SDK1: variants seen among roughly 807,000 people sequenced by gnomAD.
SDK1 encodes the protein protein sidekick-1.
Under a neutral mutation model 245.5 loss-of-function variants are expected in SDK1, and 157 were observed. That is an observed-to-expected ratio of 0.64 (90% CI 0.56 to 0.73). SDK1 has a LOEUF of 0.73. Among genes scored for constraint, SDK1 ranks in the 30% least tolerant of loss-of-function variants. The probability of loss-of-function intolerance (pLI) is 0.00; values close to 1 mark genes in which losing one functional copy is unlikely to be tolerated. For synonymous variants in SDK1, 1,647 were observed against 1,278.5 expected, an observed-to-expected ratio of 1.29 and a Z score of -6.15; for missense variants, 3,583 against 3,002.3, an observed-to-expected ratio of 1.19 and a Z score of -4.52.
intron 19 of SDK1, among the ~76,000 whole-genome samples, chr7:4,064,470 G>T (rs192542233): frequency 5.9e-5 from 9 of 152,258 alleles, no homozygotes; most frequent in Non-Finnish European, 8.8e-5. Context: ...TGTTGGTGAT[G>T]ATGTAAATTA....
chr7:3,642,090 T>C lies in SDK1; in HGVS notation c.698T>C (p.Ile233Thr), dbSNP rs765455036. ...VTWFREGHKI[I>T]PSNRIAITLE... ...TGGTTTAGAGAAGGGCACAAGATTATTCCAAGCAACAGAATGTAAGTTGCT... is the reference window on the plus strand; with the variant it reads ...TGGTTTAGAGAAGGGCACAAGATTACTCCAAGCAACAGAATGTAAGTTGCT... Residue 233 changes from isoleucine to threonine, a missense_variant, in exon 4 of 45, where the codon ATT becomes ACT. By Grantham distance (89) the Ile-to-Thr change is moderately conservative. Transcript: ENST00000404826. 8.1e-6 allele frequency: 13 copies of C among 1,614,088 alleles called. No individual in the cohort carries two copies. In the South Asian group the frequency reaches 1.4e-4, roughly 18 times the overall value.
At chr7:3,529,197 T>A (rs936956220) in intron 1 of SDK1, among the ~76,000 whole-genome samples, 1 of 152,006 alleles carries the variant, frequency 6.6e-6, no homozygotes, top group Admixed American at 6.5e-5. Flanking sequence ...TATATATAGG[T>A]GATAATATAG....
At chr7:4,143,955 G>A (rs585701) in intron 28 of SDK1, among the ~76,000 whole-genome samples, 26,507 of 152,150 alleles carry the variant, frequency 0.17, 2,472 homozygotes, top group South Asian at 0.24. Flanking sequence ...CTGTGGTCAC[G>A]CTCTCCTCAC....
rs571801677 is a variant in SDK1, at chr7:3,835,127, C to G, written c.847+13544C>G. Among the ~76,000 whole-genome samples, 9 of 152,270 alleles carry G rather than the reference C, an allele frequency of 5.9e-5. No individual in the cohort carries two copies. The South Asian group carries it at 1.7e-3, about 28-fold the overall frequency. On this transcript the variant is annotated intron_variant, in intron 5 of 44. Transcript: ENST00000404826. ...GTTATCTCTAGGCCTGAATAGCAGC[C>G]TGGGCATTCAATCTTTGGTAAGTAT...
At chr7:3,428,211 T>C (rs1779730618) in intron 1 of SDK1, among the ~76,000 whole-genome samples, 1 of 152,216 alleles carries the variant, frequency 6.6e-6, no homozygotes, top group Non-Finnish European at 1.5e-5. Context: ...AGATCTGTTA[T>C]TTACTCAGTG....
At chr7:4,191,411 C>T (rs979565290) in intron 35 of SDK1, among the ~76,000 whole-genome samples, 5 of 152,244 alleles carry the variant, frequency 3.3e-5, no homozygotes, top group East Asian at 3.9e-4. Context: ...TGTGGAGCAT[C>T]GCGCGGTGCC....
At chr7:3,766,830 C>T (rs1434188158) in intron 4 of SDK1, among the ~76,000 whole-genome samples, 1 of 152,108 alleles carries the variant, frequency 6.6e-6, no homozygotes, top group Non-Finnish European at 1.5e-5. Flanking sequence ...GATGTGGATA[C>T]TTTGGAATTA....
At chr7:3,906,267 T>C (rs1001430277) in intron 5 of SDK1, among the ~76,000 whole-genome samples, 6 of 152,252 alleles carry the variant, frequency 3.9e-5, no homozygotes, top group Non-Finnish European at 7.3e-5. Context: ...TTAATTATTT[T>C]ATGTTTAATC....
Position 3,974,887 on chromosome 7 carries a change from C to G in SDK1, c.1994+342C>G, listed in dbSNP as rs554843387. The stretch of plus-strand genomic sequence containing the variant: ...AGCAAGTTCATTTTTCCACATAATA[C>G]CCTTGAGAGCCTCCAGTCCATGAGA... On this transcript the variant is annotated intron_variant, in intron 13 of 44. Transcript: ENST00000404826. 61 of 191,594 alleles carry G rather than the reference C, an allele frequency of 3.2e-4. No homozygotes were observed. In the Middle Eastern group the frequency reaches 8.8e-3, roughly 28 times the overall value. 11.9% of individuals were successfully genotyped at this position (191,594 alleles called of 1,614,324 possible).
At chr7:4,209,107 C>T (rs144228861) in intron 37 of SDK1, among the ~76,000 whole-genome samples, 3 of 152,228 alleles carry the variant, frequency 2.0e-5, no homozygotes, top group Non-Finnish European at 4.4e-5. Context: ...ATCAAACTCT[C>T]ATGTGCTGAC....
intron 4 of SDK1, among the ~76,000 whole-genome samples, chr7:3,651,663 G>T (rs1583272662): frequency 1.3e-5 from 2 of 152,272 alleles, no homozygotes; most frequent in East Asian, 3.9e-4. Context: ...ACTCTTCACA[G>T]TCCAGAAGCA....
intron 20 of SDK1, among the ~76,000 whole-genome samples, chr7:4,073,917 T>C (rs1780440472): frequency 6.6e-6 from 1 of 152,160 alleles, no homozygotes; most frequent in Admixed American, 6.5e-5. Context: ...ATTTATCCCC[T>C]AGTGCTCAGG....
At chr7:3,935,002 A>G (rs114444792) in intron 5 of SDK1, among the ~76,000 whole-genome samples, 155 of 151,738 alleles carry the variant, frequency 1.0e-3, no homozygotes, top group African/African-American at 3.6e-3. Flanking sequence ...TTATGCATCA[A>G]CTCCCCTCTT....
chr7:3,308,262 G>C (rs1429678299), intron 1 of SDK1, among the ~76,000 whole-genome samples: 1 of 152,102 alleles, frequency 6.6e-6, no homozygotes, highest in Non-Finnish European at 1.5e-5. Flanking sequence ...TTAATGCAGT[G>C]AGAAACTTAA....
At chr7:3,946,771 G>A (rs1427878476) in intron 5 of SDK1, among the ~76,000 whole-genome samples, 2 of 152,192 alleles carry the variant, frequency 1.3e-5, no homozygotes, top group Non-Finnish European at 2.9e-5. Context: ...GCGGAGGAGA[G>A]TCTCAGAGTG....
At chr7:4,154,219 T>A (rs1226370903) in intron 30 of SDK1, among the ~76,000 whole-genome samples, 1 of 152,176 alleles carries the variant, frequency 6.6e-6, no homozygotes, top group African/African-American at 2.4e-5. Flanking sequence ...AGGTCAAGTT[T>A]GTGTATGTGA....
At position 3,563,920 on chromosome 7, in the gene SDK1, G is replaced by C. The variant is rs537846939; in HGVS notation, c.299-55160G>C. ...GTCCCTAACTCCCAAAAAACCGCTT[G>C]TGGTTACAAATTAAATAACATATTT... On this transcript the variant is annotated intron_variant, in intron 1 of 44. Coordinates refer to ENST00000404826, the MANE Select transcript of SDK1 (RefSeq NM_152744.4). 9.9e-5 allele frequency among the ~76,000 whole-genome samples: 15 copies of C among 152,088 alleles called. No homozygotes were observed. In the South Asian group the frequency reaches 1.2e-3, roughly 13 times the overall value.
intron 4 of SDK1, among the ~76,000 whole-genome samples, chr7:3,721,509 G>A (rs746402902): frequency 2.6e-5 from 4 of 152,190 alleles, no homozygotes; most frequent in Non-Finnish European, 4.4e-5. Flanking sequence ...ACAGTACAGC[G>A]TAGGCTTCTA....
intron 4 of SDK1, among the ~76,000 whole-genome samples, chr7:3,768,006 C>T (rs1452588270): frequency 6.6e-6 from 1 of 152,174 alleles, no homozygotes; most frequent in Non-Finnish European, 1.5e-5. Context: ...TTACTTTCAT[C>T]CCTGTTCACA....
Sources: gnomAD v4.1 joint callset for allele counts (sites outside exome capture counted in the v4.1 genomes callset) on GRCh38, gnomAD v4.1.1 for gene constraint, MANE v1.5 for transcripts, NCBI Gene and HGNC (gene_info 2026-07-23, HGNC 2026-07-21) for gene names.